MAP3K20: variants seen among roughly 807,000 people sequenced by gnomAD.
The protein encoded by MAP3K20 is HCCS-4.
Under a neutral mutation model 85.7 loss-of-function variants are expected in MAP3K20, and 40 were observed. The ratio of observed to expected loss-of-function variants is 0.47; its 90% CI spans 0.36 to 0.61. MAP3K20 has a LOEUF of 0.61. MAP3K20 is among the 20% of genes least tolerant of loss of function. MAP3K20 has a pLI of 0.00. For synonymous variants in MAP3K20, 325 were observed against 327.7 expected, an observed-to-expected ratio of 0.99 and a Z score of 0.09; for missense variants, 817 against 961.7, an observed-to-expected ratio of 0.85 and a Z score of 1.99.
At chr2:173,186,831 A>G (rs1247745006) in intron 4 of MAP3K20, among the ~76,000 whole-genome samples, 2 of 152,210 alleles carry the variant, frequency 1.3e-5, no homozygotes, top group Non-Finnish European at 2.9e-5. Context: ...ATGTGTCTTT[A>G]AAGTATAATT....
intron 7 of MAP3K20, among the ~76,000 whole-genome samples, chr2:173,191,826 AC>A (rs1275361782): frequency 2.0e-5 from 3 of 152,178 alleles, no homozygotes; most frequent in Non-Finnish European, 4.4e-5. Context: ...CAAGGAAGAG[AC>A]CACAGGAATG....
At chr2:173,190,265 T>C (rs545529264) in intron 5 of MAP3K20, among the ~76,000 whole-genome samples, 1 of 152,332 alleles carries the variant, frequency 6.6e-6, no homozygotes, top group East Asian at 1.9e-4. Flanking sequence ...CATTGTTCTT[T>C]GGCTCTATAG....
intron 3 of MAP3K20, among the ~76,000 whole-genome samples, chr2:173,182,181 A>G (rs1690350964): frequency 6.6e-6 from 1 of 152,210 alleles, no homozygotes; most frequent in South Asian, 2.1e-4. Context: ...GAAAAGGCAC[A>G]CTGGTAGAGA....
intron 10 of MAP3K20, chr2:173,211,686 T>A (rs1279078549): frequency 6.6e-6 from 1 of 152,286 alleles, no homozygotes; most frequent in East Asian, 1.9e-4. Flanking sequence ...GGAGGCCAAG[T>A]CAGGTGGATC....
chr2:173,235,211 C>T (rs1342060693), intron 14 of MAP3K20, among the ~76,000 whole-genome samples: 1 of 152,166 alleles, frequency 6.6e-6, no homozygotes, highest in African/African-American at 2.4e-5. Context: ...GGCTGTCTGC[C>T]AAGAGGCAGG....
intron 8 of MAP3K20, among the ~76,000 whole-genome samples, chr2:173,201,428 A>C (rs1395779593): frequency 6.6e-6 from 1 of 152,210 alleles, no homozygotes; most frequent in Non-Finnish European, 1.5e-5. Context: ...ATAAATACTT[A>C]AATTCTTACA....
At chr2:173,261,222 T>C (rs1685284772) in intron 18 of MAP3K20, 85 bp downstream of exon 18, 1 of 1,383,798 alleles carries the variant, frequency 7.2e-7, no homozygotes, top group South Asian at 1.2e-5. Flanking sequence ...ATATAATTTA[T>C]TGGGAGATAT....
intron 5 of MAP3K20, 81 bp downstream of exon 5, chr2:173,187,704 A>G (rs1690531082): frequency 7.6e-7 from 1 of 1,313,948 alleles, no homozygotes; most frequent in Non-Finnish European, 1.1e-6. Context: ...TCATTCTTTT[A>G]CATATCTTTT....
At chr2:173,161,719 TC>T (rs1299056186) in intron 2 of MAP3K20, among the ~76,000 whole-genome samples, 1 of 152,158 alleles carries the variant, frequency 6.6e-6, no homozygotes, top group Non-Finnish European at 1.5e-5. Context: ...TAGGTTGAAG[TC>T]CATCTAGAGC....
chr2:173,132,291 C>T (rs966388797), intron 2 of MAP3K20, among the ~76,000 whole-genome samples: 2 of 152,136 alleles, frequency 1.3e-5, no homozygotes, highest in Non-Finnish European at 2.9e-5. Flanking sequence ...CTATAGAAAA[C>T]TTCTAATCCT....
chr2:173,091,060 A>G lies in MAP3K20; in HGVS notation c.29A>G (p.Gln10Arg), dbSNP rs1229155855. 1 of 1,613,500 alleles carries G rather than the reference A, an allele frequency of 6.2e-7. No individual in the cohort carries two copies. The highest frequency in any genetic ancestry group is 8.5e-7 in the Non-Finnish European group (1 of 1,179,872). MSSLGASFV[Q>R]IKFDDLQFFE... ...TCGTCTCTCGGTGCCTCCTTTGTGCAAATTAAATTTGATGACTTGCAGTTT... is the reference window on the plus strand; with the variant it reads ...TCGTCTCTCGGTGCCTCCTTTGTGCGAATTAAATTTGATGACTTGCAGTTT... The change falls in exon 2 of 20, where the codon CAA becomes CGA. Residue 10 changes from glutamine to arginine, a missense_variant. Coordinates refer to ENST00000375213, the MANE Select transcript of MAP3K20 (RefSeq NM_016653.3).
At position 173,245,379 on chromosome 2, in the gene MAP3K20, T is replaced by C. The variant is rs557333741; in HGVS notation, c.1359+5883T>C. ...CCTGCCCTGCTATCATAATCAGGAGTGGCTGCAGGGCCATCTTGCCCATGC... is the reference window on the plus strand; with the variant it reads ...CCTGCCCTGCTATCATAATCAGGAGCGGCTGCAGGGCCATCTTGCCCATGC... On this transcript the variant is annotated intron_variant, in intron 16 of 19. Transcript: ENST00000375213. Among the ~76,000 whole-genome samples the C allele has an allele frequency of 7.2e-5, 11 of 152,100 alleles. No individual in the cohort carries two copies. The East Asian group carries it at 2.1e-3, about 29-fold the overall frequency.
chr2:173,168,390 T>G (rs1372031565), intron 2 of MAP3K20, among the ~76,000 whole-genome samples: 1 of 152,188 alleles, frequency 6.6e-6, no homozygotes, highest in Non-Finnish European at 1.5e-5. Flanking sequence ...ATGCAATCAA[T>G]GATATTCTTT....
rs763892359 is a variant in MAP3K20, at chr2:173,209,854, A to G, written c.851+19A>G. 1 of 1,601,832 alleles carries G rather than the reference A, an allele frequency of 6.2e-7. No individual in the cohort carries two copies. Among genetic ancestry groups the G allele is most frequent in the Admixed American group, 1.7e-5 (1 of 59,990 alleles). On this transcript the variant is annotated intron_variant, in intron 10 of 19. Transcript: ENST00000375213. ...AGTGGAGGTGGGTAGCCCCGACAGC[A>G]GGCCACAGCGTCTGGCTTTCAAAGA...
rs779564923 is a variant in MAP3K20, at chr2:173,266,361, C to T, written c.2014C>T (p.Arg672Ter). The T allele has an allele frequency of 4.3e-6, 7 of 1,613,814 alleles. No homozygotes were observed. The highest frequency in any genetic ancestry group is 2.7e-5 in the African/African-American group (2 of 74,810). The change falls in exon 20 of 20, where the codon CGA becomes TGA. Residue 672 changes from arginine to a stop codon, truncating the protein, a stop_gained. Transcript: ENST00000375213. LOFTEE classifies it low-confidence loss of function (END_TRUNC). Reference protein sequence around the residue: ...GNTDTSSERGRYSDRSRNKYG... With the variant: ...GNTDTSSERG ...TACTGACACCTCTTCAGAGAGGGGT[C>T]GATACTCAGACAGAAGCAGGAACAA...
intron 5 of MAP3K20, among the ~76,000 whole-genome samples, chr2:173,190,126 T>A (rs1690604298): frequency 6.6e-6 from 1 of 152,184 alleles, no homozygotes; most frequent in Non-Finnish European, 1.5e-5. Flanking sequence ...ATAGGCTCTC[T>A]CTTCTGCCTA....
chr2:173,161,133 G>A (rs1381937339), intron 2 of MAP3K20, among the ~76,000 whole-genome samples: 1 of 152,210 alleles, frequency 6.6e-6, no homozygotes, highest in African/African-American at 2.4e-5. Flanking sequence ...GCAAAGGCAA[G>A]GGCATGCTTG....
intron 2 of MAP3K20, 76 bp downstream of exon 2, chr2:173,091,266 C>T (rs1687290688): frequency 6.7e-7 from 1 of 1,490,512 alleles, no homozygotes; most frequent in East Asian, 2.3e-5. Context: ...GTTAGAGGGT[C>T]ACAGGGCTGC....
rs565829680 is a variant in MAP3K20, at chr2:173,143,980, A to G, written c.160-25825A>G. Reference sequence around the variant, plus strand: ...CAAAACCTCTATGCTGGAAACTACAAGACATTTCTGAGAGAAACTTTAAAA... The same window carrying G: ...CAAAACCTCTATGCTGGAAACTACAGGACATTTCTGAGAGAAACTTTAAAA... On this transcript the variant is annotated intron_variant, in intron 2 of 19. Coordinates refer to ENST00000375213, the MANE Select transcript of MAP3K20 (RefSeq NM_016653.3). 1.1e-3 allele frequency among the ~76,000 whole-genome samples: 170 copies of G among 152,262 alleles called. 1 individual carries two copies. Among genetic ancestry groups the G allele is most frequent in the African/African-American group, 3.9e-3 (161 of 41,556 alleles).
Sources: gnomAD v4.1 joint callset for allele counts (sites outside exome capture counted in the v4.1 genomes callset) on GRCh38, gnomAD v4.1.1 for gene constraint, MANE v1.5 for transcripts, NCBI Gene and HGNC (gene_info 2026-07-23, HGNC 2026-07-21) for gene names.